SLC40A1: variants seen among roughly 807,000 people sequenced by gnomAD.
The protein encoded by SLC40A1 is ferroportin.
In SLC40A1, 16 loss-of-function variants were observed where a neutral mutation model predicts 53.5. The observed-to-expected ratio is 0.30, with a 90% CI of 0.20 to 0.45. The LOEUF (loss-of-function observed/expected upper bound fraction) is 0.45, where lower values mean the gene tolerates loss of function less well. SLC40A1 is among the 20% of genes least tolerant of loss of function. The probability of loss-of-function intolerance (pLI) is 1.00; values close to 1 mark genes in which losing one functional copy is unlikely to be tolerated. For synonymous variants in SLC40A1, 247 were observed against 253.2 expected (o/e 0.98, Z 0.23); for missense variants, 545 against 695.4 (o/e 0.78, Z 2.43).
chr2:189,572,813 T>G (rs1336844391), intron 4 of SLC40A1, 33 bp downstream of exon 4: 1 of 1,468,034 alleles, frequency 6.8e-7, no homozygotes, highest in Admixed American at 1.7e-5. Flanking sequence ...GATATTCAAT[T>G]TTCTGCCATC....
chr2:189,577,107 C>T (rs1193338079), intron 2 of SLC40A1, among the ~76,000 whole-genome samples: 4 of 152,132 alleles, frequency 2.6e-5, no homozygotes, highest in Non-Finnish European at 5.9e-5. Flanking sequence ...CTTGCCTTCC[C>T]ACCAATTCTC....
chr2:189,575,578 A>G (rs1459274227), intron 2 of SLC40A1, among the ~76,000 whole-genome samples: 1 of 152,244 alleles, frequency 6.6e-6, no homozygotes, highest in Non-Finnish European at 1.5e-5. Flanking sequence ...TTTTCATTCT[A>G]GAAACAAAAT....
chr2:189,580,418 C>A lies in SLC40A1; in HGVS notation c.43G>T (p.Gly15Ter). 1 of 1,613,872 alleles carries A rather than the reference C, an allele frequency of 6.2e-7. No individual in the cohort carries two copies. Among genetic ancestry groups the A allele is most frequent in the Non-Finnish European group, 8.5e-7 (1 of 1,180,026 alleles). ...TATGCTTTCGGTCAACGACACTCAC[C>A]ACAGCATCCTCTCTGGCGGTTGTGA... ...GDHNRQRGCC[G>*]SLADYLTSAK... is the part of the protein sequence containing the mutation. Residue 15 changes from glycine (G) to a stop codon, truncating the protein, a stop_gained and splice_region_variant, in exon 1 of 8, where the codon GGA becomes TGA. Transcript: ENST00000261024. LOFTEE classifies it high-confidence loss of function.
chr2:189,576,844 T>C (rs935970686), intron 2 of SLC40A1, among the ~76,000 whole-genome samples: 2 of 152,178 alleles, frequency 1.3e-5, no homozygotes, highest in Non-Finnish European at 2.9e-5. Flanking sequence ...CTTACTCTTA[T>C]TGTATTTTTT....
intron 2 of SLC40A1, chr2:189,578,364 G>A (rs1033341437): frequency 1.0e-6 from 1 of 1,002,264 alleles, no homozygotes; most frequent in Non-Finnish European, 1.2e-6. Context: ...CTGTAAAGTT[G>A]GGATAAGCAT....
At chr2:189,575,902 T>C (rs11689103) in intron 2 of SLC40A1, among the ~76,000 whole-genome samples, 33,144 of 152,080 alleles carry the variant, frequency 0.22, 3,952 homozygotes, top group Non-Finnish European at 0.27. Flanking sequence ...GCAGAGCGAT[T>C]GGAAAGAGGA....
Position 189,580,545 on chromosome 2 carries a change from G to T in SLC40A1, c.-85C>A. 1 of 1,606,632 alleles carries T rather than the reference G, an allele frequency of 6.2e-7. No individual in the cohort carries two copies. Among genetic ancestry groups the T allele is most frequent in the South Asian group, 1.1e-5 (1 of 90,980 alleles). ...AGGTGCTTGTTAACAGGAGTGCAAG[G>T]AACTGGAGATAGCACCTCTAAAAAC... is the stretch of plus-strand genomic sequence containing the variant. On this transcript the variant is annotated 5_prime_UTR_variant, in exon 1 of 8. Coordinates refer to ENST00000261024, the MANE Select transcript of SLC40A1 (RefSeq NM_014585.6).
chr2:189,563,753 C>A lies in SLC40A1; in HGVS notation c.1233G>T (p.Arg411Ser). The A allele has an allele frequency of 1.9e-6, 3 of 1,614,094 alleles. No homozygotes were observed. The highest frequency in any genetic ancestry group is 1.6e-4 in the Middle Eastern group (1 of 6,062). Residue 411 changes from arginine to serine, a missense_variant, in exon 7 of 8, where the codon AGG becomes AGT. This residue lies in a region of SLC40A1 where 234 missense variants were observed against 299.0 expected (regional missense o/e 0.78). Coordinates refer to ENST00000261024, the MANE Select transcript of SLC40A1 (RefSeq NM_014585.6). ...SVSPFEDIRS[R>S]FIQGESITPT... The stretch of plus-strand genomic sequence containing the variant: ...GTGTAATTGACTCTCCTTGAATGAA[C>A]CTTGATCGGATATCTTCAAAAGGAG...
chr2:189,569,826 T>G (rs1045719114), intron 5 of SLC40A1, among the ~76,000 whole-genome samples: 65 of 152,256 alleles, frequency 4.3e-4, no homozygotes, highest in African/African-American at 1.4e-3. Flanking sequence ...TCTTCCACTC[T>G]GCAATAATTC....
chr2:189,567,965 T>C (rs1461387161), intron 5 of SLC40A1, among the ~76,000 whole-genome samples: 1 of 152,166 alleles, frequency 6.6e-6, no homozygotes, highest in Non-Finnish European at 1.5e-5. Context: ...AGAAAACATA[T>C]ATTTGAATCT....
At chr2:189,573,009 T>G (rs755510823) in intron 3 of SLC40A1, 48 bp from the exon 4 acceptor site, 1 of 1,237,744 alleles carries the variant, frequency 8.1e-7, no homozygotes, top group Admixed American at 1.7e-5. Context: ...AATGTCTCAG[T>G]GAGACTGTTC....
At position 189,571,856 on chromosome 2, in the gene SLC40A1, GA is replaced by G; in HGVS notation, c.388-16del. 1 of 1,537,926 alleles carries G rather than the reference GA, an allele frequency of 6.5e-7. No homozygotes were observed. The highest frequency in any genetic ancestry group is 9.0e-7 in the Non-Finnish European group (1 of 1,111,106). Reference sequence around the variant, plus strand: ...TAGCAGGAAGTCTAAAGAATGACAAGAAAAAAATGAGTTATAATGTCAGTTT... The same window carrying G: ...TAGCAGGAAGTCTAAAGAATGACAAGAAAAAATGAGTTATAATGTCAGTTT... On this transcript the variant is annotated splice_polypyrimidine_tract_variant and intron_variant, in intron 4 of 7. Transcript: ENST00000261024.
intron 2 of SLC40A1, among the ~76,000 whole-genome samples, chr2:189,575,899 G>C (rs10184864): frequency 0.032 from 4,943 of 152,240 alleles, 292 homozygotes; most frequent in African/African-American, 0.11. Flanking sequence ...ACAGCAGAGC[G>C]ATTGGAAAGA....
chr2:189,563,795 G>A lies in SLC40A1; in HGVS notation c.1191C>T (p.Pro397=), dbSNP rs1213886762. 5.6e-6 allele frequency: 9 copies of A among 1,614,008 alleles called. No homozygotes were observed. Among genetic ancestry groups the A allele is most frequent in the South Asian group, 1.1e-5 (1 of 91,078 alleles). ...CAAAAGGAGAAACGGACAAGTCCAG[G>A]GGGCTTCCAGGCATGAATACAGAGA... ...CVISVFMPGS[P]LDLSVSPFED... is the part of the protein sequence containing the mutation. The change falls in exon 7 of 8, where the codon CCC becomes CCT. Residue 397 remains proline (P), a synonymous_variant. Transcript: ENST00000261024.
At chr2:189,563,500 T>A in intron 7 of SLC40A1, 84 bp downstream of exon 7, 1 of 1,301,598 alleles carries the variant, frequency 7.7e-7, no homozygotes, top group Non-Finnish European at 1.1e-6. Flanking sequence ...AGGGAACATT[T>A]CAGATCATTT....
chr2:189,565,290 A>G, intron 6 of SLC40A1, 64 bp downstream of exon 6: 2 of 1,598,856 alleles, frequency 1.3e-6, no homozygotes, highest in South Asian at 1.1e-5. Flanking sequence ...AATAGTTTTG[A>G]TCTTCACCAA....
chr2:189,562,766 T>A (rs2030785784), intron 7 of SLC40A1, among the ~76,000 whole-genome samples: 1 of 152,172 alleles, frequency 6.6e-6, no homozygotes, highest in South Asian at 2.1e-4. Context: ...TAAATTTTGC[T>A]TTGTAAGAAG....
chr2:189,572,888 TAAG>T lies in SLC40A1; in HGVS notation c.342_344del (p.Phe114del). 6.2e-7 allele frequency: 1 copy of T among 1,614,012 alleles called. No individual in the cohort carries two copies. Among genetic ancestry groups the T allele is most frequent in the Non-Finnish European group, 8.5e-7 (1 of 1,179,892 alleles). ...ACATGGTCAGAAGCTCATGTTTATG[TAAG>T]AAAACCATCATCAGGATGATTCCAC... is the stretch of plus-strand genomic sequence containing the variant. On this transcript the variant is annotated inframe_deletion, in exon 4 of 8. Transcript: ENST00000261024.
intron 2 of SLC40A1, among the ~76,000 whole-genome samples, chr2:189,575,931 G>C (rs2105632504): frequency 1.3e-5 from 2 of 152,218 alleles, no homozygotes; most frequent in Middle Eastern, 6.8e-3. Flanking sequence ...AGCAAATTCT[G>C]GCACTGCATA....
Sources: gnomAD v4.1 joint callset for allele counts (sites outside exome capture counted in the v4.1 genomes callset) on GRCh38, gnomAD v4.1.1 for gene constraint, gnomAD v4.1.1 regional missense constraint, MANE v1.5 for transcripts, NCBI Gene and HGNC (gene_info 2026-07-23, HGNC 2026-07-21) for gene names.